The following CFH variants were observed in gnomAD, a reference collection of about 807,000 sequenced individuals.
CFH encodes complement factor H.
Under a neutral mutation model 147.3 loss-of-function variants are expected in CFH, and 53 were observed. The ratio of observed to expected loss-of-function variants is 0.36; its 90% confidence interval spans 0.29 to 0.45. CFH has a LOEUF of 0.45. CFH is among the 20% of genes least tolerant of loss of function. The pLI is 1.00. For missense variants in CFH, 1,380 were observed against 1,498.0 expected (o/e 0.92, Z 1.30); for synonymous variants, 536 against 489.4 (o/e 1.10, Z -1.26).
chr1:196,745,646 T>C (rs528683376), intron 20 of CFH, among the ~76,000 whole-genome samples, 171 bp from the exon 21 acceptor site: 12 of 152,324 alleles, frequency 7.9e-5, no homozygotes, highest in Admixed American at 6.5e-4. Context: ...AGAACTTAAA[T>C]ATATTACTTT....
Position 196,726,574 on chromosome 1 carries a change from A to C in CFH, c.1978A>C (p.Asn660His). 1 of 1,612,832 alleles carries C rather than the reference A, an allele frequency of 6.2e-7. No individual in the cohort carries two copies. The highest frequency in any genetic ancestry group is 8.5e-7 in the Non-Finnish European group (1 of 1,178,906). Residue 660 changes from asparagine to histidine, a missense_variant, in exon 13 of 22, where the codon AAT becomes CAT. By Grantham distance (68) the Asn-to-His change is moderately conservative. Around this residue, in one of 4 missense-constraint regions of CFH, gnomAD observed 830 missense variants for 821.4 expected, o/e 1.01. Coordinates refer to ENST00000367429, the MANE Select transcript of CFH (RefSeq NM_000186.4). Reference sequence around the variant, plus strand: ...CAGTGAAGTGGTGGAATATTATTGCAATCCTAGATTTCTAATGAAGGGACC... The same window carrying C: ...CAGTGAAGTGGTGGAATATTATTGCCATCCTAGATTTCTAATGAAGGGACC... Reference protein sequence around the residue: ...GHSEVVEYYCNPRFLMKGPNK... With the variant: ...GHSEVVEYYCHPRFLMKGPNK...
chr1:196,691,082 A>G (rs765813394), intron 9 of CFH, among the ~76,000 whole-genome samples: 20 of 152,114 alleles, frequency 1.3e-4, no homozygotes, highest in Admixed American at 6.6e-5. Flanking sequence ...CTTTCATTAA[A>G]AGGAAAAACC....
chr1:196,685,274 C>T lies in CFH; in HGVS notation c.964+37C>T, dbSNP rs35097611. The T allele has an allele frequency of 2.7e-3, 4,332 of 1,604,572 alleles. 118 individuals carry two copies. In the African/African-American group the frequency reaches 0.051, roughly 19 times the overall value. ...TCATATCTTGACCCATTTCTTAATT[C>T]TGAAATTTCTTTTAAACACATAAAA... is the stretch of plus-strand genomic sequence containing the variant. On this transcript the variant is annotated intron_variant, in intron 7 of 21. Coordinates refer to ENST00000367429, the MANE Select transcript of CFH (RefSeq NM_000186.4).
At position 196,726,919 on chromosome 1, in the gene CFH, A is replaced by G. The variant is rs886045745; in HGVS notation, c.2215A>G (p.Thr739Ala). 6.2e-7 allele frequency: 1 copy of G among 1,613,586 alleles called. No homozygotes were observed. ...RSITCIHGVW[T>A]QLPQCVAIDK... ...AATTACGTGTATTCATGGAGTATGG[A>G]CCCAACTTCCCCAGTGTGTGGGTGA... The change falls in exon 14 of 22, where the codon ACC becomes GCC. Residue 739 changes from threonine (T) to alanine (A), a missense_variant. Thr to Ala is a moderately conservative substitution (Grantham distance 58, BLOSUM62 0). Transcript: ENST00000367429.
chr1:196,690,317 A>G (rs1027351157), intron 9 of CFH, 78 bp downstream of exon 9: 175 of 1,589,600 alleles, frequency 1.1e-4, no homozygotes, highest in Admixed American at 5.5e-4. Flanking sequence ...ACTCATCTAT[A>G]TTAATTGTGG....
At chr1:196,744,554 G>C (rs1219779490) in intron 20 of CFH, among the ~76,000 whole-genome samples, 2 of 151,836 alleles carry the variant, frequency 1.3e-5, no homozygotes, top group African/African-American at 4.8e-5. Flanking sequence ...ATATATTACT[G>C]TCTACTGGCA....
intron 1 of CFH, among the ~76,000 whole-genome samples, chr1:196,663,529 A>ATT (rs1257901422): frequency 6.6e-6 from 1 of 152,176 alleles, no homozygotes; most frequent in Non-Finnish European, 1.5e-5. Flanking sequence ...GTCTGTATAT[A>ATT]TTTATTCCAA....
At chr1:196,744,706 A>G (rs1652940302) in intron 20 of CFH, among the ~76,000 whole-genome samples, 1 of 152,206 alleles carries the variant, frequency 6.6e-6, no homozygotes, top group South Asian at 2.1e-4. Flanking sequence ...TGCTTCAAAT[A>G]TCGAACATAA....
chr1:196,660,733 T>C (rs1666870035), intron 1 of CFH, among the ~76,000 whole-genome samples: 1 of 152,216 alleles, frequency 6.6e-6, no homozygotes, highest in African/African-American at 2.4e-5. Context: ...TCTTTATATA[T>C]AGTAAACATA....
chr1:196,706,030 A>C (rs553376271), intron 9 of CFH, among the ~76,000 whole-genome samples: 1 of 152,156 alleles, frequency 6.6e-6, no homozygotes, highest in South Asian at 2.1e-4. Flanking sequence ...TCACTGAGGA[A>C]AGCAGCTTTA....
Position 196,664,943 on chromosome 1 carries a change from T to C in CFH, c.59-8035T>C, listed in dbSNP as rs543028301. ...GCTAAGTTGCTTTTTAGTGAAGTAA[T>C]AGTCATTTATATTTCAGTTTTATTT... is the stretch of plus-strand genomic sequence containing the variant. On this transcript the variant is annotated intron_variant, in intron 1 of 21. Transcript: ENST00000367429. Among the ~76,000 whole-genome samples, 19 of 152,058 alleles carry C rather than the reference T, an allele frequency of 1.2e-4. 1 individual carries two copies. In the East Asian group the frequency reaches 3.5e-3, roughly 28 times the overall value.
At position 196,713,741 on chromosome 1, in the gene CFH, G is replaced by A; in HGVS notation, c.1343G>A (p.Cys448Tyr). The change falls in exon 10 of 22, where the codon TGT (cysteine) becomes TAT (tyrosine). Residue 448 changes from cysteine to tyrosine, a missense_variant. Physicochemically the swap from Cys to Tyr is radical, Grantham distance 194. This residue lies in a region of CFH where 830 missense variants were observed against 821.4 expected (regional missense o/e 1.01). Transcript: ENST00000367429. ...TTATTCTCTTCCCTTTTAGAAACAT[G>A]TTCCAAATCAAGTATAGATATTGAG... Reference protein sequence around the residue: ...PTPRCIRVKTCSKSSIDIENG... With the variant: ...PTPRCIRVKTYSKSSIDIENG... 2 of 1,579,462 alleles carry A rather than the reference G, an allele frequency of 1.3e-6. No homozygotes were observed. Among genetic ancestry groups the A allele is most frequent in the Non-Finnish European group, 1.7e-6 (2 of 1,150,366 alleles).
chr1:196,702,120 T>C (rs1052405075), intron 9 of CFH, among the ~76,000 whole-genome samples: 1 of 152,154 alleles, frequency 6.6e-6, no homozygotes, highest in Non-Finnish European at 1.5e-5. Flanking sequence ...AAAAAGATGA[T>C]GCTATGATGG....
At chr1:196,664,066 T>C (rs1666993959) in intron 1 of CFH, among the ~76,000 whole-genome samples, 4 of 152,086 alleles carry the variant, frequency 2.6e-5, no homozygotes, top group Admixed American at 1.3e-4. Context: ...CCTGTTTTTT[T>C]CCCCTTTTGT....
intron 10 of CFH, 53 bp downstream of exon 10, chr1:196,713,970 A>T: frequency 6.7e-7 from 1 of 1,500,542 alleles, no homozygotes. Context: ...ACAAAAGTTT[A>T]CTAACTTTAG....
intron 1 of CFH, among the ~76,000 whole-genome samples, chr1:196,664,001 C>T (rs1666990552): frequency 1.3e-5 from 2 of 152,130 alleles, no homozygotes; most frequent in African/African-American, 2.4e-5. Context: ...TCTTTACTGT[C>T]TCGTCAGCTT....
intron 9 of CFH, among the ~76,000 whole-genome samples, chr1:196,709,212 C>T (rs550947407): frequency 2.0e-5 from 3 of 152,212 alleles, no homozygotes; most frequent in African/African-American, 7.2e-5. Flanking sequence ...TTGAGCTTTC[C>T]GCCTGCATAC....
intron 1 of CFH, among the ~76,000 whole-genome samples, chr1:196,671,078 A>G (rs76762610): frequency 0.024 from 3,709 of 152,178 alleles, 149 homozygotes; most frequent in African/African-American, 0.085. Flanking sequence ...TGCTGTGTCC[A>G]TTTGATTCTT....
chr1:196,697,895 A>G (rs1668330259), intron 9 of CFH, among the ~76,000 whole-genome samples: 1 of 151,338 alleles, frequency 6.6e-6, no homozygotes, highest in Non-Finnish European at 1.5e-5. Context: ...TCAGCAAACT[A>G]TGGCAATGAC....
Sources: gnomAD v4.1 joint callset for allele counts (sites outside exome capture counted in the v4.1 genomes callset) on GRCh38, gnomAD v4.1.1 for gene constraint, gnomAD v4.1.1 regional missense constraint, MANE v1.5 for transcripts, NCBI Gene and HGNC (gene_info 2026-07-23, HGNC 2026-07-21) for gene names.